KDM3A: variants seen among roughly 807,000 people sequenced by gnomAD.
KDM3A encodes lysine demethylase 3A.
In KDM3A, 60 loss-of-function variants were observed where a neutral mutation model predicts 158.0. The observed-to-expected ratio is 0.38, with a 90% confidence interval of 0.31 to 0.47. The LOEUF is 0.47. Among genes scored for constraint, KDM3A ranks in the 20% least tolerant of loss-of-function variants. The pLI is 0.99. For missense variants in KDM3A, 1,319 were observed against 1,574.3 expected (o/e 0.84, Z 2.74); for synonymous variants, 608 against 549.3 (o/e 1.11, Z -1.49).
At chr2:86,464,464 G>A (rs1179055033) in intron 9 of KDM3A, among the ~76,000 whole-genome samples, 10 of 152,174 alleles carry the variant, frequency 6.6e-5, no homozygotes, top group Non-Finnish European at 5.9e-5. Flanking sequence ...AATTGAAATA[G>A]TACCTTTGTA....
chr2:86,461,204 A>G (rs1034562497), intron 8 of KDM3A, among the ~76,000 whole-genome samples: 1 of 152,168 alleles, frequency 6.6e-6, no homozygotes, highest in African/African-American at 2.4e-5. Context: ...ACTCTTCATC[A>G]CTGTGCTGTT....
intron 11 of KDM3A, among the ~76,000 whole-genome samples, chr2:86,473,778 A>G (rs1210332422): frequency 6.6e-6 from 1 of 152,226 alleles, no homozygotes; most frequent in Non-Finnish European, 1.5e-5. Context: ...TTGTGTTTCA[A>G]AAATTTAAAA....
At position 86,491,160 on chromosome 2, in the gene KDM3A, G is replaced by C. The variant is rs1674436571; in HGVS notation, c.3770G>C (p.Cys1257Ser). The C allele has an allele frequency of 6.2e-7, 1 of 1,613,846 alleles. No individual in the cohort carries two copies. The highest frequency in any genetic ancestry group is 1.7e-5 in the Admixed American group (1 of 60,002). Residue 1257 changes from cysteine to serine, a missense_variant, in exon 25 of 26, where the codon TGC (cysteine) becomes TCC (serine). Physicochemically the swap from Cys to Ser is moderately radical, Grantham distance 112. Around this residue, in one of 4 missense-constraint regions of KDM3A, gnomAD observed 186 missense variants for 340.9 expected, o/e 0.55. Transcript: ENST00000312912. ...APHQVHNLYS[C>S]IKVAEDFVSP... ...TTTCAGGTTCATAACTTATATAGCTGCATCAAAGTGGCTGAAGATTTTGTT... is the reference window on the plus strand; with the variant it reads ...TTTCAGGTTCATAACTTATATAGCTCCATCAAAGTGGCTGAAGATTTTGTT...
intron 11 of KDM3A, among the ~76,000 whole-genome samples, chr2:86,474,059 T>C (rs1673538337): frequency 6.6e-6 from 1 of 152,246 alleles, no homozygotes; most frequent in Non-Finnish European, 1.5e-5. Context: ...TGTATTTAAA[T>C]CTGATCAGAT....
At chr2:86,480,944 G>A (rs1285117963) in intron 16 of KDM3A, among the ~76,000 whole-genome samples, 1 of 152,120 alleles carries the variant, frequency 6.6e-6, no homozygotes, top group Non-Finnish European at 1.5e-5. Context: ...CATTATTTCT[G>A]TATTACTGAT....
At position 86,464,036 on chromosome 2, in the gene KDM3A, G is replaced by T; in HGVS notation, c.844-17G>T. The T allele has an allele frequency of 6.7e-7, 1 of 1,491,988 alleles. No homozygotes were observed. Among genetic ancestry groups the T allele is most frequent in the African/African-American group, 1.4e-5 (1 of 70,272 alleles). The allele number at this position is 1,491,988 out of a possible 1,614,324, so 92.4% of individuals were successfully genotyped here. On this transcript the variant is annotated splice_polypyrimidine_tract_variant and intron_variant, in intron 8 of 25. Transcript: ENST00000312912. Reference sequence around the variant, plus strand: ...TAGGGACTTCCTTTTAATATCTGTTGGTTTGGTATCTTCTAGGCCTCTCCC... The same window carrying T: ...TAGGGACTTCCTTTTAATATCTGTTTGTTTGGTATCTTCTAGGCCTCTCCC...
Position 86,442,148 on chromosome 2 carries a change from A to T in KDM3A, c.101A>T (p.Asp34Val). Reference sequence around the variant, plus strand: ...AGCGATGGCAGCCACGACAGCTGGGACGTGGAGCGCGTCGCCGAGTGGCCC... The same window carrying T: ...AGCGATGGCAGCCACGACAGCTGGGTCGTGGAGCGCGTCGCCGAGTGGCCC... ...DGSDGSHDSWDVERVAEWPWL... is the reference protein window; with the variant it reads ...DGSDGSHDSWVVERVAEWPWL... The change falls in exon 2 of 26, where the codon GAC (aspartate) becomes GTC (valine). Residue 34 changes from aspartate (D) to valine (V), a missense_variant. Around this residue, in one of 4 missense-constraint regions of KDM3A, gnomAD observed 652 missense variants for 627.2 expected, o/e 1.04. Transcript: ENST00000312912. The T allele has an allele frequency of 6.2e-7, 1 of 1,614,022 alleles. No individual in the cohort carries two copies. Among genetic ancestry groups the T allele is most frequent in the Non-Finnish European group, 8.5e-7 (1 of 1,179,990 alleles).
At chr2:86,439,891 C>G (rs749424110), upstream of KDM3A, among the ~76,000 whole-genome samples, 2 of 152,194 alleles carry the variant, frequency 1.3e-5, no homozygotes, top group Admixed American at 1.3e-4. Context: ...AATATTTTAG[C>G]CCAGTATTTT....
chr2:86,441,013 C>G (rs117214019), upstream of KDM3A: 3 of 152,494 alleles, frequency 2.0e-5, no homozygotes, highest in East Asian at 5.8e-4. Context: ...CTATGCGCCA[C>G]AGCAATTTTC....
chr2:86,437,082 G>T (rs1682504836), upstream of KDM3A, among the ~76,000 whole-genome samples: 3 of 152,092 alleles, frequency 2.0e-5, no homozygotes, highest in South Asian at 2.1e-4. Context: ...GTAGCATTTT[G>T]ATCTACCTGG....
At chr2:86,453,690 AAAAC>A (rs1267145426) in intron 4 of KDM3A, among the ~76,000 whole-genome samples, 1 of 152,196 alleles carries the variant, frequency 6.6e-6, no homozygotes, top group Non-Finnish European at 1.5e-5. Context: ...GCATGAGAAA[AAAAC>A]AAAAACTAAC....
chr2:86,464,315 C>A (rs969575817), intron 9 of KDM3A, 99 bp downstream of exon 9: 1 of 860,542 alleles, frequency 1.2e-6, no homozygotes, highest in Non-Finnish European at 1.7e-6. Flanking sequence ...GGAGGTTTTT[C>A]GTTAGAGTTT....
In KDM3A at chr2:86,491,121, T is replaced by A; in HGVS notation, c.3751-20T>A. Reference sequence around the variant, plus strand: ...TGAACTTTTGGGTTTGTTACTGATATATTACTTGGTGTTTTTCAGGTTCAT... The same window carrying A: ...TGAACTTTTGGGTTTGTTACTGATAAATTACTTGGTGTTTTTCAGGTTCAT... On this transcript the variant is annotated intron_variant, in intron 24 of 25. Coordinates refer to ENST00000312912, the MANE Select transcript of KDM3A (RefSeq NM_018433.6). 1 of 1,613,856 alleles carries A rather than the reference T, an allele frequency of 6.2e-7. No homozygotes were observed. The highest frequency in any genetic ancestry group is 8.5e-7 in the Non-Finnish European group (1 of 1,179,798).
rs144644059 is a variant in KDM3A, at chr2:86,453,840, C to T, written c.454-1245C>T. Among the ~76,000 whole-genome samples the T allele has an allele frequency of 1.4e-4, 21 of 152,266 alleles. 1 individual carries two copies. In the East Asian group the frequency reaches 3.5e-3, roughly 25 times the overall value. ...CTTCCCAGTGGGAAAAATGGATGAC[C>T]CATTCTTGGTCATTATCCATTTCAC... On this transcript the variant is annotated intron_variant, in intron 4 of 25. Coordinates refer to ENST00000312912, the MANE Select transcript of KDM3A (RefSeq NM_018433.6).
Position 86,481,980 on chromosome 2 carries a change from C to G in KDM3A, c.2563C>G (p.Pro855Ala), listed in dbSNP as rs553458075. The G allele has an allele frequency of 2.0e-5, 33 of 1,613,808 alleles. No homozygotes were observed. Among genetic ancestry groups the G allele is most frequent in the Non-Finnish European group, 2.7e-5 (32 of 1,179,884 alleles). The change falls in exon 17 of 26, where the codon CCC becomes GCC. Residue 855 changes from proline to alanine, a missense_variant. Pro to Ala is a conservative substitution (Grantham distance 27, BLOSUM62 -1). Transcript: ENST00000312912. ...ILKNEIKCLP[P>A]LPPLSKSSTV... ...AAAGAATGAAATCAAATGCCTTCCA[C>G]CCCTCCCACCTTTAAGCAAATCCAG...
At chr2:86,483,029 C>A in intron 18 of KDM3A, 1 of 285,708 alleles carries the variant, frequency 3.5e-6, no homozygotes, top group Non-Finnish European at 6.7e-6. Context: ...TTTGGGAGAT[C>A]AGACAAAATG....
At chr2:86,446,783 A>G (rs1323018471) in intron 2 of KDM3A, among the ~76,000 whole-genome samples, 2 of 152,208 alleles carry the variant, frequency 1.3e-5, no homozygotes, top group African/African-American at 4.8e-5. Flanking sequence ...ATTAAGTGTA[A>G]AACCTCAAAC....
intron 18 of KDM3A, chr2:86,482,942 C>T (rs557609544): frequency 4.2e-5 from 20 of 471,512 alleles, no homozygotes; most frequent in South Asian, 7.6e-5. Context: ...GGGTTTTTGA[C>T]GAGGGCATCC....
intron 12 of KDM3A, among the ~76,000 whole-genome samples, chr2:86,477,470 A>G (rs1050602836): frequency 2.0e-5 from 3 of 152,128 alleles, no homozygotes; most frequent in Admixed American, 6.5e-5. Flanking sequence ...TCCTTTGGAG[A>G]AAGCCTGGAA....
Sources: allele counts gnomAD v4.1 joint callset (sites outside exome capture counted in the v4.1 genomes callset), GRCh38; gene constraint gnomAD v4.1.1; regional missense constraint gnomAD v4.1.1; transcripts MANE v1.5; gene names NCBI Gene and HGNC (gene_info 2026-07-23, HGNC 2026-07-21).